Variants in TECRL observed in about 807,000 individuals in gnomAD.
TECRL encodes the protein trans-2,3-enoyl-CoA reductase-like.
TECRL carries 63 observed loss-of-function variants against 52.8 expected under a neutral mutation model. That is an observed-to-expected ratio of 1.19 (90% confidence interval 0.97 to 1.47). The LOEUF (loss-of-function observed/expected upper bound fraction) is 1.47. TECRL is among the 40% of genes most tolerant of loss of function. TECRL has a pLI of 0.00. For missense variants in TECRL, 482 were observed against 429.6 expected (o/e 1.12, Z -1.08); for synonymous variants, 164 against 141.9 (o/e 1.16, Z -1.10).
At chr4:64,375,460 A>C (rs1010482729) in intron 1 of TECRL, among the ~76,000 whole-genome samples, 1 of 151,916 alleles carries the variant, frequency 6.6e-6, no homozygotes, top group African/African-American at 2.4e-5. Flanking sequence ...CATTAATTCA[A>C]TCCAATTTGT....
At chr4:64,338,172 G>A (rs1441610235) in intron 2 of TECRL, among the ~76,000 whole-genome samples, 1 of 152,092 alleles carries the variant, frequency 6.6e-6, no homozygotes, top group Non-Finnish European at 1.5e-5. Context: ...ACAAAAACAA[G>A]AAATAGGGAA....
At chr4:64,406,943 GAAT>G (rs201704733) in intron 1 of TECRL, among the ~76,000 whole-genome samples, 32 of 150,432 alleles carry the variant, frequency 2.1e-4, no homozygotes, top group South Asian at 1.7e-3. Context: ...ATAACATCAG[GAAT>G]AATAATAATA....
At chr4:64,355,753 C>T (rs1416788284) in intron 2 of TECRL, among the ~76,000 whole-genome samples, 2 of 142,960 alleles carry the variant, frequency 1.4e-5, no homozygotes, top group Non-Finnish European at 3.0e-5. Context: ...CGAGACTGCA[C>T]TACTGCACTC....
chr4:64,284,568 T>A (rs78663773), intron 9 of TECRL, among the ~76,000 whole-genome samples: 4,679 of 152,092 alleles, frequency 0.031, 114 homozygotes, highest in African/African-American at 0.067. Flanking sequence ...AGATGACTAG[T>A]AGTGAACGGG....
intron 2 of TECRL, among the ~76,000 whole-genome samples, chr4:64,350,804 C>G (rs1720338607): frequency 6.6e-6 from 1 of 151,808 alleles, no homozygotes. Flanking sequence ...ACATGAGCCA[C>G]CCTCCACATT....
At chr4:64,366,025 C>T (rs897581610) in intron 2 of TECRL, among the ~76,000 whole-genome samples, 4 of 151,810 alleles carry the variant, frequency 2.6e-5, no homozygotes, top group Admixed American at 1.3e-4. Context: ...GGTACTAGTA[C>T]AAAAACAGAC....
intron 1 of TECRL, among the ~76,000 whole-genome samples, chr4:64,387,219 C>A (rs191548046): frequency 1.1e-4 from 16 of 152,122 alleles, no homozygotes; most frequent in Non-Finnish European, 2.1e-4. Context: ...ATTTAAATTC[C>A]CTGAATGTCT....
chr4:64,335,635 A>T lies in TECRL; in HGVS notation c.287-7079T>A, dbSNP rs543366233. Reference sequence around the variant, plus strand: ...GGACTGCTGCTTTAGGGCACTCATGATCTGTCTTCTAAATCATCAAATTCC... The same window carrying T: ...GGACTGCTGCTTTAGGGCACTCATGTTCTGTCTTCTAAATCATCAAATTCC... On this transcript the variant is annotated intron_variant, in intron 2 of 11. Transcript: ENST00000381210. Among the ~76,000 whole-genome samples the T allele has an allele frequency of 3.3e-5, 5 of 152,212 alleles. No individual in the cohort carries two copies. In the South Asian group the frequency reaches 8.3e-4, roughly 25 times the overall value.
intron 1 of TECRL, among the ~76,000 whole-genome samples, chr4:64,398,922 A>C (rs1487143999): frequency 6.6e-6 from 1 of 152,158 alleles, no homozygotes; most frequent in Non-Finnish European, 1.5e-5. Flanking sequence ...ACTGGATAAA[A>C]GGTCACTTTG....
rs7674088 is a variant in TECRL at position 64,307,400 on chromosome 4, G to A, written c.658-2162C>T. 1.0e-2 allele frequency among the ~76,000 whole-genome samples: 1,519 copies of A among 152,172 alleles called. 25 individuals are homozygous for A. The highest frequency in any genetic ancestry group is 0.034 in the African/African-American group (1,428 of 41,506). On this transcript the variant is annotated intron_variant, in intron 6 of 11. Transcript: ENST00000381210. The stretch of plus-strand genomic sequence containing the variant: ...ACTATTCCTACCTTCCAGCCCTCCT[G>A]GTCTGTTGTTGGAGGTCACACTTGC...
At chr4:64,351,759 A>G (rs115698363) in intron 2 of TECRL, among the ~76,000 whole-genome samples, 47 of 152,340 alleles carry the variant, frequency 3.1e-4, no homozygotes, top group African/African-American at 1.1e-3. Context: ...TACATGACAA[A>G]CATTTTTAAT....
At chr4:64,306,264 G>T (rs1724330129) in intron 6 of TECRL, among the ~76,000 whole-genome samples, 1 of 152,044 alleles carries the variant, frequency 6.6e-6, no homozygotes, top group Non-Finnish European at 1.5e-5. Flanking sequence ...TTCATCCGTG[G>T]GTGTTGGGAA....
At chr4:64,374,052 CATATATATATAT>C (rs77300773) in intron 2 of TECRL, among the ~76,000 whole-genome samples, 11 of 105,988 alleles carry the variant, frequency 1.0e-4, no homozygotes, top group East Asian at 2.6e-4. Context: ...ATAGTAGATA[CATATATATATAT>C]ATATATATAT....
At chr4:64,365,897 G>T (rs1387600409) in intron 2 of TECRL, among the ~76,000 whole-genome samples, 1 of 151,858 alleles carries the variant, frequency 6.6e-6, no homozygotes, top group East Asian at 1.9e-4. Flanking sequence ...TAAAATTTAT[G>T]TAAAACCAAT....
At chr4:64,356,945 A>C (rs1261938598) in intron 2 of TECRL, among the ~76,000 whole-genome samples, 1 of 152,146 alleles carries the variant, frequency 6.6e-6, no homozygotes, top group African/African-American at 2.4e-5. Flanking sequence ...CTAAAACCAG[A>C]TTATCTCTAT....
chr4:64,408,979 G>T, intron 1 of TECRL, 139 bp downstream of exon 1: 1 of 731,614 alleles, frequency 1.4e-6, no homozygotes, highest in Non-Finnish European at 2.2e-6. Context: ...TATGCATCCT[G>T]TTCACCACAA....
chr4:64,335,106 C>A (rs1718960842), intron 2 of TECRL, among the ~76,000 whole-genome samples: 1 of 152,186 alleles, frequency 6.6e-6, no homozygotes, highest in Non-Finnish European at 1.5e-5. Context: ...GGGTCTCCAA[C>A]CCCTGGGCCA....
chr4:64,306,992 G>A (rs1167797403), intron 6 of TECRL, among the ~76,000 whole-genome samples: 2 of 152,144 alleles, frequency 1.3e-5, no homozygotes, highest in African/African-American at 2.4e-5. Flanking sequence ...TAGGTCCTAT[G>A]TCTGGGGGAG....
At chr4:64,346,420 C>T (rs140875702) in intron 2 of TECRL, among the ~76,000 whole-genome samples, 15 of 152,326 alleles carry the variant, frequency 9.8e-5, no homozygotes, top group Admixed American at 2.6e-4. Context: ...TCTAGACATC[C>T]GGGGGTTTCC....
Sources: gnomAD v4.1 joint callset for allele counts (sites outside exome capture counted in the v4.1 genomes callset) on GRCh38, gnomAD v4.1.1 for gene constraint, MANE v1.5 for transcripts, NCBI Gene and HGNC (gene_info 2026-07-23, HGNC 2026-07-21) for gene names.